The following HS6ST3 variants were observed in gnomAD, a reference collection of about 807,000 sequenced individuals.
HS6ST3 encodes the protein heparan-sulfate 6-O-sulfotransferase 3.
In HS6ST3, 12 loss-of-function variants were observed where a neutral mutation model predicts 36.7. That is an observed-to-expected ratio of 0.33 (90% confidence interval 0.21 to 0.53). The LOEUF (loss-of-function observed/expected upper bound fraction) is 0.53. Ranked by LOEUF, HS6ST3 falls within the 20% of genes least tolerant of loss-of-function variation. The pLI, the probability that HS6ST3 is intolerant of heterozygous loss-of-function variation, is 0.95. For missense variants in HS6ST3, 584 were observed against 640.9 expected (o/e 0.91, Z 0.96); for synonymous variants, 240 against 257.5 (o/e 0.93, Z 0.65).
In HS6ST3 at chr13:96,227,357, G is replaced by T. The variant is rs1038062608; in HGVS notation, c.707+135788G>T. On this transcript the variant is annotated intron_variant, in intron 1 of 1. Transcript: ENST00000376705. ...AAGCTGAGATATAAAGTAGGAAGCC[G>T]ATTGAGTTAATGCATTGGCACCTAT... is the stretch of plus-strand genomic sequence containing the variant. 5.9e-5 allele frequency among the ~76,000 whole-genome samples: 9 copies of T among 152,300 alleles called. No homozygotes were observed. In the East Asian group the frequency reaches 1.7e-3, roughly 29 times the overall value.
At chr13:96,122,134 T>TTATTATTATTAC (rs943926864) in intron 1 of HS6ST3, among the ~76,000 whole-genome samples, 1 of 148,660 alleles carries the variant, frequency 6.7e-6, no homozygotes, top group East Asian at 1.9e-4. Flanking sequence ...ATTATTATTA[T>TTATTATTATTAC]TACTATTATT....
chr13:96,118,376 C>T (rs746575512), intron 1 of HS6ST3, among the ~76,000 whole-genome samples: 7 of 152,012 alleles, frequency 4.6e-5, no homozygotes, highest in Non-Finnish European at 7.4e-5. Context: ...AGCATGAAAC[C>T]AGTCATGCCA....
chr13:96,392,335 G>A (rs1416973363), intron 1 of HS6ST3, among the ~76,000 whole-genome samples: 1 of 152,172 alleles, frequency 6.6e-6, no homozygotes. Context: ...TTCTGTACCA[G>A]TAATTATGGT....
intron 1 of HS6ST3, among the ~76,000 whole-genome samples, chr13:96,248,964 G>A (rs745602376): frequency 6.6e-6 from 1 of 152,092 alleles, no homozygotes. Context: ...CACCCAGTAG[G>A]TTTATAGCCT....
Position 96,835,937 on chromosome 13 carries a change from CA to C in HS6ST3, c.*2740del, listed in dbSNP as rs1405676197. ...GTACTAAGCAAATTAAAAAGACCGACATGGGCTTCCTCCCTCATATCATTTC... is the reference window on the plus strand; with the variant it reads ...GTACTAAGCAAATTAAAAAGACCGACTGGGCTTCCTCCCTCATATCATTTC... On this transcript the variant is annotated 3_prime_UTR_variant, in exon 2 of 2. Transcript: ENST00000376705. 1 of 152,236 alleles carries C rather than the reference CA, an allele frequency of 6.6e-6. No homozygotes were observed. Among genetic ancestry groups the C allele is most frequent in the African/African-American group, 2.4e-5 (1 of 41,456 alleles). 9.4% of individuals were successfully genotyped at this position (152,236 alleles called of 1,614,324 possible).
At chr13:96,755,005 T>A (rs561298416) in intron 1 of HS6ST3, among the ~76,000 whole-genome samples, 20 of 152,282 alleles carry the variant, frequency 1.3e-4, no homozygotes, top group African/African-American at 4.8e-4. Flanking sequence ...TTAATTTTTT[T>A]TTAAATTACA....
At chr13:96,481,931 C>T (rs1487277940) in intron 1 of HS6ST3, among the ~76,000 whole-genome samples, 1 of 152,170 alleles carries the variant, frequency 6.6e-6, no homozygotes, top group Non-Finnish European at 1.5e-5. Flanking sequence ...TTTCTTTGTT[C>T]TCTCTGTGTC....
rs1180203658 is a variant in HS6ST3, at chr13:96,091,002, G to GCCCGCCCGCCGT, written c.145_156dup (p.Pro49_Pro52dup). The GCCCGCCCGCCGT allele has an allele frequency of 2.3e-6, 3 of 1,298,098 alleles. No individual in the cohort carries two copies. Among genetic ancestry groups the GCCCGCCCGCCGT allele is most frequent in the Middle Eastern group, 2.1e-4 (1 of 4,872 alleles). 80.4% of individuals were successfully genotyped at this position (1,298,098 alleles called of 1,614,324 possible). A position where few individuals can be genotyped will look rare whatever the true frequency, so the allele number is the denominator to read the frequency against. On this transcript the variant is annotated inframe_insertion, in exon 1 of 2. Transcript: ENST00000376705. The stretch of plus-strand genomic sequence containing the variant: ...GAGCAGCCCCGCGCGGGGGAGGCCG[G>GCCCGCCCGCCGT]CCCGCCCGCCGTCCCGGGTCCCGCC...
intron 1 of HS6ST3, among the ~76,000 whole-genome samples, chr13:96,384,584 T>TG (rs1404244982): frequency 1.3e-5 from 2 of 152,138 alleles, no homozygotes; most frequent in Non-Finnish European, 2.9e-5. Flanking sequence ...GTGTGACTCT[T>TG]GCTTATGGTG....
chr13:96,500,345 G>T (rs1440382273), intron 1 of HS6ST3, among the ~76,000 whole-genome samples: 1 of 152,066 alleles, frequency 6.6e-6, no homozygotes, highest in Admixed American at 6.5e-5. Context: ...TTGAACATTT[G>T]TATTGTTTCT....
At chr13:96,806,147 G>A (rs1368014198) in intron 1 of HS6ST3, among the ~76,000 whole-genome samples, 1 of 152,194 alleles carries the variant, frequency 6.6e-6, no homozygotes, top group Non-Finnish European at 1.5e-5. Flanking sequence ...TCTTATCAAT[G>A]TGGTGGAAAC....
At chr13:96,702,110 T>C (rs562255138) in intron 1 of HS6ST3, among the ~76,000 whole-genome samples, 2 of 152,278 alleles carry the variant, frequency 1.3e-5, no homozygotes, top group Non-Finnish European at 1.5e-5. Flanking sequence ...GATGGTAAGA[T>C]GGACCGTATC....
chr13:96,625,312 TG>T (rs1442758261), intron 1 of HS6ST3, among the ~76,000 whole-genome samples: 1 of 152,208 alleles, frequency 6.6e-6, no homozygotes, highest in African/African-American at 2.4e-5. Flanking sequence ...GTTTCCCATC[TG>T]GTTCGGGAAA....
chr13:96,518,950 G>A (rs1376868621), intron 1 of HS6ST3, among the ~76,000 whole-genome samples: 4 of 152,014 alleles, frequency 2.6e-5, no homozygotes, highest in African/African-American at 7.3e-5. Flanking sequence ...TCCTTTCTAT[G>A]TACAAGCTAT....
intron 1 of HS6ST3, among the ~76,000 whole-genome samples, chr13:96,385,150 G>A (rs2055361119): frequency 1.4e-5 from 2 of 141,666 alleles, no homozygotes; most frequent in Admixed American, 1.5e-4. Context: ...TTGCACTCCA[G>A]CCTGGGCAAC....
chr13:96,558,516 GA>G (rs758548236), intron 1 of HS6ST3, among the ~76,000 whole-genome samples: 10 of 152,188 alleles, frequency 6.6e-5, no homozygotes, highest in Non-Finnish European at 1.3e-4. Flanking sequence ...ACCATTTATA[GA>G]TTCATTTACA....
At chr13:96,316,257 C>CTGTGTGTG (rs10534465) in intron 1 of HS6ST3, among the ~76,000 whole-genome samples, 193 of 147,212 alleles carry the variant, frequency 1.3e-3, no homozygotes, top group African/African-American at 3.3e-3. Context: ...CTACATACAC[C>CTGTGTGTG]TGTGTGTGTG....
intron 1 of HS6ST3, among the ~76,000 whole-genome samples, chr13:96,531,877 T>C (rs893738187): frequency 6.6e-6 from 1 of 152,204 alleles, no homozygotes; most frequent in East Asian, 1.9e-4. Context: ...TTTTGAGAAA[T>C]AAACACAATG....
intron 1 of HS6ST3, among the ~76,000 whole-genome samples, chr13:96,399,255 T>A (rs1295474856): frequency 1.3e-5 from 2 of 152,240 alleles, no homozygotes; most frequent in African/African-American, 2.4e-5. Context: ...TTTAATTTTT[T>A]AAAAAGTGCT....
Sources: gnomAD v4.1 joint callset for allele counts (sites outside exome capture counted in the v4.1 genomes callset) on GRCh38, gnomAD v4.1.1 for gene constraint, MANE v1.5 for transcripts, NCBI Gene and HGNC (gene_info 2026-07-23, HGNC 2026-07-21) for gene names.